The following SCAF1 variants were observed in gnomAD, a reference collection of about 807,000 sequenced individuals.
SCAF1 encodes splicing factor, arginine/serine-rich 19.
A neutral mutation model predicts 91.2 loss-of-function variants in SCAF1; 28 were observed. That is an observed-to-expected ratio of 0.31 (90% confidence interval 0.23 to 0.42). The LOEUF (loss-of-function observed/expected upper bound fraction) is 0.42. SCAF1 is among the 10% of genes least tolerant of loss of function. The pLI is 1.00. For synonymous variants in SCAF1, 1,036 were observed against 833.7 expected (o/e 1.24, Z -4.18); for missense variants, 1,893 against 1,872.1 (o/e 1.01, Z -0.21).
chr19:49,656,995 A>C (rs1285121413), intron 9 of SCAF1, among the ~76,000 whole-genome samples: 3 of 152,126 alleles, frequency 2.0e-5, no homozygotes, highest in Non-Finnish European at 4.4e-5. Flanking sequence ...TCGCCACAAA[A>C]AGTACAAGAA....
rs1232055151 is a variant in SCAF1 at position 49,658,377 on chromosome 19, G to GCCTGCC, written c.3926_3931dup (p.Leu1309_Pro1310dup). The GCCTGCC allele has an allele frequency of 1.3e-6, 2 of 1,549,732 alleles. No homozygotes were observed. The highest frequency in any genetic ancestry group is 8.7e-7 in the Non-Finnish European group (1 of 1,148,818). On this transcript the variant is annotated inframe_insertion, in exon 11 of 11. Transcript: ENST00000360565. ...GGGCCCCCAGACAAGGGTGGCCCGG[G>GCCTGCC]CCTGCCCCTGCCCCCTCTCTGAGAG... is the stretch of plus-strand genomic sequence containing the variant.
chr19:49,658,384 C>T lies in SCAF1; in HGVS notation c.3924C>T (p.Pro1308=). 3.2e-6 allele frequency: 5 copies of T among 1,545,732 alleles called. 1 individual carries two copies. The highest frequency in any genetic ancestry group is 2.3e-5 in the South Asian group (2 of 85,256). The change falls in exon 11 of 11, where the codon CCC becomes CCT. Residue 1308 remains proline (P), a synonymous_variant. Coordinates refer to ENST00000360565, the MANE Select transcript of SCAF1 (RefSeq NM_021228.3). ...CAGACAAGGGTGGCCCGGGCCTGCCCCTGCCCCCTCTCTGAGAGCCCTGGC... is the reference window on the plus strand; with the variant it reads ...CAGACAAGGGTGGCCCGGGCCTGCCTCTGCCCCCTCTCTGAGAGCCCTGGC... The part of the protein sequence containing the change: ...GPPDKGGPGL[P]LPPL
chr19:49,654,203 C>G (rs2081123713), intron 7 of SCAF1, 146 bp from the exon 8 acceptor site: 1 of 670,820 alleles, frequency 1.5e-6, no homozygotes, highest in Non-Finnish European at 2.6e-6. Flanking sequence ...TGGCCAAGGC[C>G]CCCTTTTCCC....
In SCAF1 at chr19:49,645,463, A is replaced by G. The variant is rs1568440296; in HGVS notation, c.166+52A>G. ...CCCCTGCCCCCTCTCTGCATTCTTT[A>G]TCCTAATGTCATTCATACAAGCTTT... On this transcript the variant is annotated intron_variant, in intron 3 of 10. Transcript: ENST00000360565. The surrounding 1 kb of genome is among the most constrained non-coding windows in gnomAD (Gnocchi z 4.6). 6.4e-7 allele frequency: 1 copy of G among 1,550,878 alleles called. No homozygotes were observed. The highest frequency in any genetic ancestry group is 1.1e-5 in the South Asian group (1 of 87,436).
chr19:49,654,255 G>GCAGGAGATGACAGCAGGTGTC, intron 7 of SCAF1, 94 bp from the exon 8 acceptor site: 1 of 1,071,366 alleles, frequency 9.3e-7, no homozygotes, highest in Non-Finnish European at 1.4e-6. Context: ...GGGGCCAAGG[G>GCAGGAGATGACAGCAGGTGTC]CAGGAGATGA....
chr19:49,657,915 C>T, intron 10 of SCAF1, 26 bp downstream of exon 10: 4 of 1,607,374 alleles, frequency 2.5e-6, no homozygotes, highest in Non-Finnish European at 2.5e-6. Flanking sequence ...GAGGGGCAGA[C>T]ACAGGCCGGG....
intron 7 of SCAF1, among the ~76,000 whole-genome samples, 198 bp from the exon 8 acceptor site, chr19:49,654,151 C>T (rs2081123372): frequency 6.6e-6 from 1 of 152,200 alleles, no homozygotes; most frequent in African/African-American, 2.4e-5. Context: ...ACCCACACAC[C>T]TGGAGTCCCA....
intron 9 of SCAF1, among the ~76,000 whole-genome samples, chr19:49,657,539 TGGA>T (rs1051510425): frequency 3.3e-5 from 5 of 152,202 alleles, no homozygotes; most frequent in South Asian, 2.1e-4. Context: ...GGGTTCGGCC[TGGA>T]GGAGATGTTC....
chr19:49,655,777 C>A lies in SCAF1; in HGVS notation c.3618+907C>A, dbSNP rs559978914. Among the ~76,000 whole-genome samples the A allele has an allele frequency of 4.1e-4, 63 of 152,278 alleles. 1 individual carries two copies. The highest frequency in any genetic ancestry group is 8.8e-4 in the Non-Finnish European group (60 of 68,020). ...CCTTGATCTCTCGGGCTCAAGGGAT[C>A]CTCCTACGTCAGCATCCTGTGTAGC... is the stretch of plus-strand genomic sequence containing the variant. On this transcript the variant is annotated intron_variant, in intron 9 of 10. Coordinates refer to ENST00000360565, the MANE Select transcript of SCAF1 (RefSeq NM_021228.3).
chr19:49,653,320 GC>G lies in SCAF1; in HGVS notation c.2937del (p.Lys980ArgfsTer127). The G allele has an allele frequency of 6.8e-7, 1 of 1,465,236 alleles. No individual in the cohort carries two copies. Among genetic ancestry groups the G allele is most frequent in the Non-Finnish European group, 9.0e-7 (1 of 1,106,686 alleles). The allele number at this position is 1,465,236 out of a possible 1,614,324, so 90.8% of individuals were successfully genotyped here. A position where few individuals can be genotyped will look rare whatever the true frequency, so the allele number is the denominator to read the frequency against. On this transcript the variant is annotated frameshift_variant, in exon 7 of 11. Coordinates refer to ENST00000360565, the MANE Select transcript of SCAF1 (RefSeq NM_021228.3). LOFTEE classifies it high-confidence loss of function. ...GGGCAGCCAAGGTTCCTAGCACCCC[GC>G]CCCCCAAGGCAGCCCCACCACCCCC... ...ERAAKVPSTP[P>X]PKAAPPPPAL...
In SCAF1 at chr19:49,646,537, G is replaced by C; in HGVS notation, c.273G>C (p.Met91Ile). ...CTGGCCTCTTCCAGGTGTTGGACATGGCCACGGACAGCTTCCTCGCAGGGC... is the reference window on the plus strand; with the variant it reads ...CTGGCCTCTTCCAGGTGTTGGACATCGCCACGGACAGCTTCCTCGCAGGGC... ...GGTDTATVLD[M>I]ATDSFLAGLV... The change falls in exon 5 of 11, where the codon ATG becomes ATC. Residue 91 changes from methionine to isoleucine, a missense_variant. Physicochemically the swap from Met to Ile is conservative, Grantham distance 10. Coordinates refer to ENST00000360565, the MANE Select transcript of SCAF1 (RefSeq NM_021228.3). The surrounding 1 kb of genome is among the most constrained non-coding windows in gnomAD (Gnocchi z 5.6). 4 of 1,613,980 alleles carry C rather than the reference G, an allele frequency of 2.5e-6. No individual in the cohort carries two copies. The highest frequency in any genetic ancestry group is 3.4e-6 in the Non-Finnish European group (4 of 1,179,932).
Position 49,652,332 on chromosome 19 carries a change from G to T in SCAF1, c.1943G>T (p.Arg648Leu). ...GGSKKKKKRSRSRGEKRSGDG... is the reference protein window; with the variant it reads ...GGSKKKKKRSLSRGEKRSGDG... ...AGCAAGAAGAAGAAGAAGCGGTCGC[G>T]GTCCCGGGGTGAGAAGCGGTCTGGG... Residue 648 changes from arginine (R) to leucine (L), a missense_variant, in exon 7 of 11, where the codon CGG becomes CTG. This residue lies in a region of SCAF1 where 1,436 missense variants were observed against 1,306.8 expected (regional missense o/e 1.10). Coordinates refer to ENST00000360565, the MANE Select transcript of SCAF1 (RefSeq NM_021228.3). 1 of 1,534,618 alleles carries T rather than the reference G, an allele frequency of 6.5e-7. No individual in the cohort carries two copies.
chr19:49,648,935 A>T (rs926555047), intron 6 of SCAF1, among the ~76,000 whole-genome samples: 42 of 147,780 alleles, frequency 2.8e-4, no homozygotes, highest in African/African-American at 1.0e-3. Context: ...GTGCCACTGC[A>T]CTCCAGCCTG....
intron 1 of SCAF1, among the ~76,000 whole-genome samples, chr19:49,643,043 C>CAG (rs2081035997): frequency 6.6e-6 from 1 of 152,164 alleles, no homozygotes; most frequent in Admixed American, 6.5e-5. Flanking sequence ...CCTTTGGGGT[C>CAG]AGAGCAGCTT....
rs754856414 is a variant in SCAF1 at position 49,652,030 on chromosome 19, C to G, written c.1641C>G (p.Ala547=). 3 of 1,227,356 alleles carry G rather than the reference C, an allele frequency of 2.4e-6. No homozygotes were observed. The highest frequency in any genetic ancestry group is 3.3e-4 in the Middle Eastern group (1 of 3,016). The allele number at this position is 1,227,356 out of a possible 1,614,324, so 76.0% of individuals were successfully genotyped here. Residue 547 remains alanine, a synonymous_variant, in exon 7 of 11, where the codon GCC becomes GCG. Transcript: ENST00000360565. ...CCCAGCCAGCGCCGCCCGCCCCGGC[C>G]TCGCCCTGGGACTCCAAGAAGCACC... The part of the protein sequence containing the change: ...SGTQPAPPAP[A]SPWDSKKHRS...
In SCAF1 at chr19:49,651,887, TC is replaced by T. The variant is rs1222604075; in HGVS notation, c.1502del (p.Pro501ArgfsTer237). 1.7e-6 allele frequency: 2 copies of T among 1,190,248 alleles called. No individual in the cohort carries two copies. The highest frequency in any genetic ancestry group is 2.2e-5 in the South Asian group (1 of 45,516). The allele number at this position is 1,190,248 out of a possible 1,614,324, so 73.7% of individuals were successfully genotyped here. Reference protein sequence around the residue: ...RRERYRQRSPSPAPAPAPAAA... With the variant: ...RRERYRQRSPXPAPAPAPAAA... The stretch of plus-strand genomic sequence containing the variant: ...GGAGCGCTACCGCCAGCGCTCGCCC[TC>T]CCCGGCGCCCGCGCCCGCCCCGGCC... On this transcript the variant is annotated frameshift_variant, in exon 7 of 11. Coordinates refer to ENST00000360565, the MANE Select transcript of SCAF1 (RefSeq NM_021228.3). LOFTEE classifies it high-confidence loss of function.
chr19:49,645,189 C>G lies in SCAF1; in HGVS notation c.108+55C>G, dbSNP rs1003452669. The G allele has an allele frequency of 3.9e-6, 6 of 1,555,410 alleles. No homozygotes were observed. Among genetic ancestry groups the G allele is most frequent in the African/African-American group, 2.7e-5 (2 of 73,676 alleles). The stretch of plus-strand genomic sequence containing the variant: ...GATGGAGGAGCTGGGCATCCACACT[C>G]CAGGGGCCTGACTCCAGGGCCTGAG... On this transcript the variant is annotated intron_variant, in intron 2 of 10. Coordinates refer to ENST00000360565, the MANE Select transcript of SCAF1 (RefSeq NM_021228.3). The surrounding 1 kb of genome is among the most constrained non-coding windows in gnomAD (Gnocchi z 4.6).
intron 6 of SCAF1, among the ~76,000 whole-genome samples, chr19:49,650,098 G>A (rs547931019): frequency 1.1e-3 from 166 of 152,328 alleles, no homozygotes; most frequent in African/African-American, 3.8e-3. Context: ...GGTGACATAC[G>A]AAGCACCATG....
chr19:49,647,101 G>A (rs929354935), intron 6 of SCAF1, among the ~76,000 whole-genome samples: 6 of 152,258 alleles, frequency 3.9e-5, no homozygotes, highest in Non-Finnish European at 7.3e-5. Context: ...CATCTCCCCA[G>A]GAGGGGGACT....
Sources: allele counts gnomAD v4.1 joint callset (sites outside exome capture counted in the v4.1 genomes callset), GRCh38; gene constraint gnomAD v4.1.1; regional missense constraint gnomAD v4.1.1; non-coding constraint Gnocchi (gnomAD v3.1); transcripts MANE v1.5; gene names NCBI Gene and HGNC (gene_info 2026-07-23, HGNC 2026-07-21).